The following SLC11A2 variants were observed in gnomAD, a reference collection of about 807,000 sequenced individuals.
SLC11A2 encodes solute carrier family 11 member 2, also known as natural resistance-associated macrophage protein 2.
SLC11A2 carries 38 observed loss-of-function variants against 68.0 expected under a neutral mutation model. The ratio of observed to expected loss-of-function variants is 0.56; its 90% CI spans 0.43 to 0.73. SLC11A2 has a LOEUF of 0.73. Among genes scored for constraint, SLC11A2 ranks in the 30% least tolerant of loss-of-function variants. SLC11A2 has a pLI of 0.00. For missense variants in SLC11A2, 517 were observed against 690.5 expected (o/e 0.75, Z 2.82); for synonymous variants, 242 against 250.6 (o/e 0.97, Z 0.32).
downstream of SLC11A2, among the ~76,000 whole-genome samples, chr12:50,982,936 G>A (rs1940178643): frequency 8.2e-6 from 1 of 122,024 alleles, no homozygotes. Context: ...GCGAGACTCC[G>A]TCAAAAAAAA....
downstream of SLC11A2, among the ~76,000 whole-genome samples, chr12:50,977,498 A>C (rs959047915): frequency 6.6e-6 from 1 of 152,224 alleles, no homozygotes; most frequent in Non-Finnish European, 1.5e-5. Flanking sequence ...AATTAATTCA[A>C]GATGGATTAA....
the SLC11A2 span, chr12:50,961,006 T>C: frequency 6.2e-7 from 1 of 1,608,338 alleles, no homozygotes; most frequent in Non-Finnish European, 8.5e-7. Flanking sequence ...CTGTGGTCTT[T>C]ACAAGCTAAA....
chr12:51,007,080 C>A (rs917996868), intron 3 of SLC11A2, among the ~76,000 whole-genome samples: 1 of 151,996 alleles, frequency 6.6e-6, no homozygotes. Context: ...ATCTTTAAAT[C>A]CACCTTTGAC....
rs184702266 is a variant in SLC11A2 at position 51,018,970 on chromosome 12, C to T, written c.-39+7340G>A. Among the ~76,000 whole-genome samples, 7 of 151,876 alleles carry T rather than the reference C, an allele frequency of 4.6e-5. 1 individual carries two copies. Among genetic ancestry groups the T allele is most frequent in the Admixed American group, 4.6e-4 (7 of 15,240 alleles). On this transcript the variant is annotated intron_variant, in intron 1 of 15. Transcript: ENST00000262052. ...TTTCCTCCTTTTTTTTCATCACCTT[C>T]CTCATCTCAATAAAATCAAAGACAA... is the stretch of plus-strand genomic sequence containing the variant.
At chr12:51,026,197 G>A (rs1944373569) in intron 1 of SLC11A2, 113 bp downstream of exon 1, 1 of 1,187,760 alleles carries the variant, frequency 8.4e-7, no homozygotes, top group Non-Finnish European at 1.1e-6. Context: ...CGGCGAGCCG[G>A]TGTCGCATCC....
chr12:51,016,021 G>T (rs977434577), intron 1 of SLC11A2, among the ~76,000 whole-genome samples: 1 of 151,650 alleles, frequency 6.6e-6, no homozygotes, highest in African/African-American at 2.4e-5. Flanking sequence ...CTGACCTTGT[G>T]ATCTGCCCAC....
At chr12:50,958,047 A>G in the SLC11A2 span, among the ~76,000 whole-genome samples, 2 of 150,228 alleles carry the variant, frequency 1.3e-5, no homozygotes, top group Non-Finnish European at 3.0e-5. Flanking sequence ...CTCAAGTGAT[A>G]TGCCTGCCTT....
chr12:50,995,805 G>A lies in SLC11A2; in HGVS notation c.832-18C>T. Reference sequence around the variant, plus strand: ...TGTCTAGACTAGAAAGATAACAACAGCAGTCACTTTTTGACCAGTTAGAAC... The same window carrying A: ...TGTCTAGACTAGAAAGATAACAACAACAGTCACTTTTTGACCAGTTAGAAC... On this transcript the variant is annotated intron_variant, in intron 9 of 15. Transcript: ENST00000262052. 1.2e-6 allele frequency: 2 copies of A among 1,613,078 alleles called. No individual in the cohort carries two copies. Among genetic ancestry groups the A allele is most frequent in the Non-Finnish European group, 1.7e-6 (2 of 1,179,052 alleles).
In SLC11A2 at chr12:51,022,438, C is replaced by CA. The variant is rs147670584; in HGVS notation, c.-39+3871dup. On this transcript the variant is annotated intron_variant, in intron 1 of 15. Transcript: ENST00000262052. ...AAAAAAAAAAAAAATTACTTTTTTC[C>CA]AAAAAAAAAAAAAAAAAAATCCCCT... is the stretch of plus-strand genomic sequence containing the variant. Among the ~76,000 whole-genome samples, 3 of 118,262 alleles carry CA rather than the reference C, an allele frequency of 2.5e-5. No homozygotes were observed. The South Asian group carries it at 8.1e-4, about 32-fold the overall frequency. 77.6% of individuals were successfully genotyped at this position (118,262 alleles called of 152,430 possible).
chr12:51,008,958 G>A (rs2136308340), intron 2 of SLC11A2, among the ~76,000 whole-genome samples: 1 of 151,520 alleles, frequency 6.6e-6, no homozygotes, highest in East Asian at 1.9e-4. Context: ...GGAATTTTTA[G>A]AGCCATTTCA....
intron 11 of SLC11A2, 113 bp from the exon 12 acceptor site, chr12:50,993,042 C>A: frequency 1.6e-6 from 2 of 1,282,338 alleles, no homozygotes; most frequent in Non-Finnish European, 2.2e-6. Context: ...CCACCAACAC[C>A]AAGTGCTGTG....
chr12:51,025,162 A>G (rs1301778702), intron 1 of SLC11A2, among the ~76,000 whole-genome samples: 1 of 152,174 alleles, frequency 6.6e-6, no homozygotes, highest in African/African-American at 2.4e-5. Flanking sequence ...AATGATGTCA[A>G]TGGAAAGTAT....
the SLC11A2 span, among the ~76,000 whole-genome samples, chr12:50,973,450 C>T: frequency 1.3e-5 from 2 of 152,144 alleles, no homozygotes; most frequent in African/African-American, 4.8e-5. Flanking sequence ...AGAAGGAAAA[C>T]TAACAAACAG....
downstream of SLC11A2, chr12:50,985,983 GA>G (rs1940500957): frequency 1.8e-6 from 2 of 1,141,700 alleles, no homozygotes; most frequent in South Asian, 3.8e-5. Flanking sequence ...AAATACCCAG[GA>G]AACCAAATTG....
chr12:50,993,877 C>T (rs138666812), intron 11 of SLC11A2, among the ~76,000 whole-genome samples: 2 of 150,710 alleles, frequency 1.3e-5, no homozygotes, highest in Non-Finnish European at 3.0e-5. Context: ...CCTGCAGTCC[C>T]ATTACCCAAA....
At chr12:51,004,618 G>T (rs1436907499) in intron 5 of SLC11A2, among the ~76,000 whole-genome samples, 170 bp downstream of exon 5, 1 of 152,150 alleles carries the variant, frequency 6.6e-6, no homozygotes, top group Non-Finnish European at 1.5e-5. Flanking sequence ...GGGAAAACAT[G>T]GCCTGGCAGC....
chr12:50,978,609 T>A (rs2084342370), downstream of SLC11A2, among the ~76,000 whole-genome samples: 5 of 148,566 alleles, frequency 3.4e-5, no homozygotes, highest in Admixed American at 3.4e-4. Flanking sequence ...ACCTGCACGC[T>A]GTGCACATGT....
chr12:50,998,194 C>G (rs971957096), intron 8 of SLC11A2, among the ~76,000 whole-genome samples: 1 of 150,810 alleles, frequency 6.6e-6, no homozygotes, highest in African/African-American at 2.4e-5. Context: ...CCCATCTCTA[C>G]TAAAAATACA....
At chr12:50,993,652 A>C (rs1310126820) in intron 11 of SLC11A2, among the ~76,000 whole-genome samples, 2 of 151,408 alleles carry the variant, frequency 1.3e-5, no homozygotes, top group African/African-American at 2.4e-5. Context: ...ACATGGAGAG[A>C]CCCCCATCTC....
Sources: allele counts gnomAD v4.1 joint callset (sites outside exome capture counted in the v4.1 genomes callset), GRCh38; gene constraint gnomAD v4.1.1; transcripts MANE v1.5; gene names NCBI Gene and HGNC (gene_info 2026-07-23, HGNC 2026-07-21).